SMYD3: variants seen among roughly 807,000 people sequenced by gnomAD.
SMYD3 encodes histone-lysine N-methyltransferase SMYD3.
A neutral mutation model predicts 57.7 loss-of-function variants in SMYD3; 36 were observed. The ratio of observed to expected loss-of-function variants is 0.62; its 90% CI spans 0.48 to 0.82. The LOEUF is 0.82. SMYD3 is among the 40% of genes least tolerant of loss of function. SMYD3 has a pLI of 0.00. For missense variants in SMYD3, 515 were observed against 538.8 expected (o/e 0.96, Z 0.44); for synonymous variants, 211 against 195.0 (o/e 1.08, Z -0.68).
intron 1 of SMYD3, among the ~76,000 whole-genome samples, chr1:246,370,700 G>C (rs1332779884): frequency 6.6e-6 from 1 of 152,204 alleles, no homozygotes; most frequent in Admixed American, 6.5e-5. Context: ...ATCTCTATCA[G>C]AAAAGTTTCT....
intron 5 of SMYD3, among the ~76,000 whole-genome samples, chr1:245,954,995 CT>C (rs1474781971): frequency 1.3e-5 from 2 of 152,200 alleles, no homozygotes; most frequent in African/African-American, 4.8e-5. Flanking sequence ...CAAACGCCCC[CT>C]ATAATCTACT....
At chr1:246,148,767 T>G (rs1216509758) in intron 5 of SMYD3, among the ~76,000 whole-genome samples, 1 of 152,220 alleles carries the variant, frequency 6.6e-6, no homozygotes, top group Non-Finnish European at 1.5e-5. Context: ...AAAGCACAAC[T>G]GCCATCCTAA....
intron 5 of SMYD3, among the ~76,000 whole-genome samples, chr1:245,976,110 TCTAGC>T (rs2058416590): frequency 2.7e-5 from 1 of 37,600 alleles, no homozygotes; most frequent in Admixed American, 2.6e-4. Context: ...AGCCATCGTC[TCTAGC>T]CCAGGGAAAG....
intron 1 of SMYD3, among the ~76,000 whole-genome samples, chr1:246,468,377 A>C (rs2067910362): frequency 6.6e-6 from 1 of 152,022 alleles, no homozygotes. Flanking sequence ...ATGGTAGCTC[A>C]CATCTGTAAT....
intron 10 of SMYD3, among the ~76,000 whole-genome samples, chr1:245,815,091 T>A (rs753202226): frequency 1.9e-4 from 29 of 152,192 alleles, no homozygotes; most frequent in Admixed American, 6.5e-4. Flanking sequence ...AGGTACAACC[T>A]CCAAGGAAAA....
intron 1 of SMYD3, 26 bp downstream of exon 1, chr1:246,507,028 G>A: frequency 2.0e-6 from 3 of 1,464,022 alleles, no homozygotes; most frequent in South Asian, 2.6e-5. Context: ...TCGCGACTCA[G>A]GTAGGCGAGG....
intron 10 of SMYD3, among the ~76,000 whole-genome samples, chr1:245,833,717 C>T (rs2049969595): frequency 1.3e-5 from 2 of 152,152 alleles, no homozygotes; most frequent in South Asian, 2.1e-4. Flanking sequence ...GAGGTGCCAT[C>T]AAATGGGCAA....
chr1:246,342,656 T>A (rs532472277), intron 2 of SMYD3, among the ~76,000 whole-genome samples: 1 of 152,308 alleles, frequency 6.6e-6, no homozygotes, highest in South Asian at 2.1e-4. Context: ...CTGTATCAAA[T>A]GTAGAGCAAG....
chr1:246,023,101 AG>A (rs1412402682), intron 5 of SMYD3, among the ~76,000 whole-genome samples: 3 of 152,208 alleles, frequency 2.0e-5, no homozygotes, highest in Non-Finnish European at 4.4e-5. Context: ...GGACACAGGC[AG>A]GTTTTTGTTC....
intron 1 of SMYD3, among the ~76,000 whole-genome samples, chr1:246,477,488 A>G (rs2068044459): frequency 6.6e-6 from 1 of 152,236 alleles, no homozygotes; most frequent in African/African-American, 2.4e-5. Flanking sequence ...CCTACCTGAA[A>G]GTAGGTGCAG....
At chr1:245,790,887 T>C (rs1283673719) in intron 10 of SMYD3, among the ~76,000 whole-genome samples, 1 of 152,246 alleles carries the variant, frequency 6.6e-6, no homozygotes, top group Non-Finnish European at 1.5e-5. Flanking sequence ...CTGCTTACTC[T>C]GCTTTCCTGA....
chr1:246,235,157 G>A (rs929703390), intron 5 of SMYD3, among the ~76,000 whole-genome samples: 1 of 152,152 alleles, frequency 6.6e-6, no homozygotes, highest in Non-Finnish European at 1.5e-5. Context: ...CTAAGTATAA[G>A]GTTGAGGCAG....
intron 5 of SMYD3, among the ~76,000 whole-genome samples, chr1:246,272,739 A>G (rs1468502135): frequency 6.6e-6 from 1 of 152,164 alleles, no homozygotes; most frequent in African/African-American, 2.4e-5. Context: ...ACTGGTTTGT[A>G]GTTTTCTTTT....
intron 5 of SMYD3, among the ~76,000 whole-genome samples, chr1:246,188,715 C>T (rs1156750612): frequency 6.6e-6 from 1 of 151,974 alleles, no homozygotes; most frequent in Admixed American, 6.5e-5. Context: ...AATCCCAACA[C>T]TTTGGGGGGC....
chr1:246,393,206 C>T (rs7555661), intron 1 of SMYD3, among the ~76,000 whole-genome samples: 35,621 of 152,026 alleles, frequency 0.23, 4,539 homozygotes, highest in Non-Finnish European at 0.29. Flanking sequence ...AAAAAATACA[C>T]AGAACTATAC....
At chr1:246,363,055 G>A (rs1055113098) in intron 1 of SMYD3, among the ~76,000 whole-genome samples, 86 of 150,996 alleles carry the variant, frequency 5.7e-4, no homozygotes, top group African/African-American at 2.0e-3. Context: ...TGAGATGTGG[G>A]GAGCGCCTCT....
At chr1:246,186,673 T>G in intron 5 of SMYD3, 11 of 866,082 alleles carry the variant, frequency 1.3e-5, no homozygotes, top group Non-Finnish European at 1.5e-5. Context: ...AATGAAAACT[T>G]GACCTGTGAG....
chr1:246,433,162 A>G (rs1457826908), intron 1 of SMYD3, among the ~76,000 whole-genome samples: 1 of 152,228 alleles, frequency 6.6e-6, no homozygotes, highest in Non-Finnish European at 1.5e-5. Flanking sequence ...CAGCATTTCT[A>G]TACCCCTATA....
intron 1 of SMYD3, among the ~76,000 whole-genome samples, chr1:246,442,950 G>T (rs1000295382): frequency 6.6e-6 from 1 of 152,164 alleles, no homozygotes; most frequent in Non-Finnish European, 1.5e-5. Context: ...TTCTTGCCTA[G>T]CAACTTCCCT....
Sources: gnomAD v4.1 joint callset for allele counts (sites outside exome capture counted in the v4.1 genomes callset) on GRCh38, gnomAD v4.1.1 for gene constraint, MANE v1.5 for transcripts, NCBI Gene and HGNC (gene_info 2026-07-23, HGNC 2026-07-21) for gene names.